The following WNK1 variants were observed in gnomAD, a reference collection of about 807,000 sequenced individuals.
WNK1 encodes the protein WNK lysine deficient protein kinase 1, also known as serine/threonine-protein kinase WNK1.
Under a neutral mutation model 222.8 loss-of-function variants are expected in WNK1, and 38 were observed. That is an observed-to-expected ratio of 0.17 (90% CI 0.13 to 0.22). The LOEUF is 0.22. Among genes scored for constraint, WNK1 ranks in the 10% least tolerant of loss-of-function variants. The pLI is 1.00. For synonymous variants in WNK1, 1,090 were observed against 1,092.9 expected (o/e 1.00, Z 0.05); for missense variants, 2,348 against 2,918.4 (o/e 0.80, Z 4.50).
Position 884,674 on chromosome 12 carries a change from T to C in WNK1, c.3870T>C (p.Pro1290=), listed in dbSNP as rs779204850. 5 of 1,614,102 alleles carry C rather than the reference T, an allele frequency of 3.1e-6. No individual in the cohort carries two copies. In the South Asian group the frequency reaches 5.5e-5, roughly 18 times the overall value. Residue 1290 remains proline (P), a synonymous_variant, in exon 19 of 28, where the codon CCT becomes CCC. Coordinates refer to ENST00000315939, the MANE Select transcript of WNK1 (RefSeq NM_018979.4). This position sits in a 1 kb window ranked among gnomAD's most constrained non-coding sequence, Gnocchi z 5.6. The part of the protein sequence containing the change: ...DTVAASTAQS[P]GMNLSHSASS... ...TTGCTGCCTCTACAGCTCAGAGCCC[T>C]GGAATGAACTTGTCTCACTCTGCAT...
intron 1 of WNK1, among the ~76,000 whole-genome samples, chr12:780,109 G>A (rs1481646035): frequency 6.6e-6 from 1 of 152,182 alleles, no homozygotes; most frequent in African/African-American, 2.4e-5. Flanking sequence ...GAAAGAGGAT[G>A]TAGAAATAAA....
intron 4 of WNK1, among the ~76,000 whole-genome samples, chr12:844,451 A>G (rs1439328913): frequency 6.6e-6 from 1 of 152,142 alleles, no homozygotes; most frequent in African/African-American, 2.4e-5. Context: ...GTTGCTTTTT[A>G]AAAAGGAAAA....
intron 1 of WNK1, among the ~76,000 whole-genome samples, chr12:775,887 G>A (rs1017177157): frequency 6.6e-6 from 1 of 152,174 alleles, no homozygotes; most frequent in African/African-American, 2.4e-5. Flanking sequence ...TGCCAAGCTT[G>A]TGTTCAACAA....
intron 1 of WNK1, among the ~76,000 whole-genome samples, chr12:805,126 C>T (rs919338542): frequency 6.6e-6 from 1 of 151,990 alleles, no homozygotes; most frequent in South Asian, 2.1e-4. Context: ...CTTTCAGTTT[C>T]TTGGGGCATA....
In WNK1 at chr12:861,199, A is replaced by G. The variant is rs1488189452; in HGVS notation, c.1807A>G (p.Ile603Val). ...ACAATCCAGTGCTTCCCAGACAGGA[A>G]TCAAGCAGCTCCCTTCTGCTAGCAC... The part of the protein sequence containing the change: ...VEQSSASQTG[I>V]KQLPSASTGI... Residue 603 changes from isoleucine (I) to valine (V), a missense_variant, in exon 7 of 28, where the codon ATC becomes GTC. This residue lies in a region of WNK1 where 103 missense variants were observed against 111.5 expected (regional missense o/e 0.92). Coordinates refer to ENST00000315939, the MANE Select transcript of WNK1 (RefSeq NM_018979.4). The G allele has an allele frequency of 6.2e-7, 1 of 1,614,062 alleles. No individual in the cohort carries two copies. Among genetic ancestry groups the G allele is most frequent in the Non-Finnish European group, 8.5e-7 (1 of 1,179,982 alleles).
chr12:880,728 C>A lies in WNK1; in HGVS notation c.2840C>A (p.Pro947Gln), dbSNP rs761206171. ...TCCTCATTTCTGTCACAGGGCTTCC[C>A]ACCTCGACTGCCACCACAGTACCCA... ...SSGDVLYQGF[P>Q]PRLPPQYPGD... Residue 947 changes from proline to glutamine, a missense_variant, in exon 12 of 28, where the codon CCA becomes CAA. Pro to Gln is a moderately conservative substitution (Grantham distance 76). Transcript: ENST00000315939. The A allele has an allele frequency of 5.6e-6, 9 of 1,613,730 alleles. No individual in the cohort carries two copies. The Admixed American group carries it at 1.5e-4, about 27-fold the overall frequency.
Position 753,991 on chromosome 12 carries a change from C to T in WNK1, c.426C>T (p.Ala142=), listed in dbSNP as rs759964919. 3.1e-6 allele frequency: 5 copies of T among 1,591,682 alleles called. No individual in the cohort carries two copies. In the South Asian group the frequency reaches 5.6e-5, roughly 18 times the overall value. The change falls in exon 1 of 28, where the codon GCC becomes GCT. Residue 142 remains alanine, a synonymous_variant. Transcript: ENST00000315939. The surrounding 1 kb of genome is among the most constrained non-coding windows in gnomAD (Gnocchi z 5.2). ...QVAQQPPAAA[A]PGEQAVAGPA... is the part of the protein sequence containing the mutation. ...CCCAGCAGCCTCCAGCCGCTGCCGC[C>T]CCTGGGGAACAGGCCGTCGCGGGCC...
Position 881,949 on chromosome 12 carries a change from A to G in WNK1, c.3248A>G (p.Asn1083Ser), listed in dbSNP as rs757299559. The change falls in exon 14 of 28, where the codon AAT becomes AGT. Residue 1083 changes from asparagine (N) to serine (S), a missense_variant. Physicochemically the swap from Asn to Ser is conservative, Grantham distance 46 (BLOSUM62 1). This residue lies in a region of WNK1 where 547 missense variants were observed against 558.3 expected (regional missense o/e 0.98). Coordinates refer to ENST00000315939, the MANE Select transcript of WNK1 (RefSeq NM_018979.4). ...GTTGCTTCAGGTATGAGTGATGGCA[A>G]TGAGAACGTCCCATCTTCCAGTGGA... ...SDVASGMSDGNENVPSSSGRH... is the reference protein window; with the variant it reads ...SDVASGMSDGSENVPSSSGRH... The G allele has an allele frequency of 8.1e-6, 13 of 1,614,236 alleles. No individual in the cohort carries two copies. The Admixed American group carries it at 1.5e-4, about 19-fold the overall frequency.
At chr12:881,021 T>A in intron 12 of WNK1, 22 bp downstream of exon 12, 1 of 1,613,968 alleles carries the variant, frequency 6.2e-7, no homozygotes, top group Non-Finnish European at 8.5e-7. Flanking sequence ...TACTGCATGT[T>A]TATATGTAAA....
At chr12:883,118 C>A in intron 15 of WNK1, 59 bp downstream of exon 15, 1 of 1,229,352 alleles carries the variant, frequency 8.1e-7, no homozygotes, top group Non-Finnish European at 1.2e-6. Context: ...ATAGCCATTG[C>A]TCTAGGCAAA....
intron 20 of WNK1, among the ~76,000 whole-genome samples, chr12:888,455 G>A (rs1253102824): frequency 1.3e-5 from 2 of 152,176 alleles, no homozygotes; most frequent in Non-Finnish European, 2.9e-5. Context: ...ATGTGGAGGG[G>A]TAAGGGTAAA....
At chr12:877,731 G>A (rs910778300) in intron 9 of WNK1, among the ~76,000 whole-genome samples, 16 of 152,068 alleles carry the variant, frequency 1.1e-4, no homozygotes, top group African/African-American at 3.9e-4. Flanking sequence ...TCCCTATTTT[G>A]TAGCTATAAT....
At position 763,247 on chromosome 12, in the gene WNK1, C is replaced by T. The variant is rs115752536; in HGVS notation, c.759+8923C>T. 2.9e-3 allele frequency among the ~76,000 whole-genome samples: 423 copies of T among 147,302 alleles called. 11 individuals are homozygous for T. Among genetic ancestry groups the T allele is most frequent in the African/African-American group, 9.3e-3 (381 of 41,154 alleles). ...GAACAAAGGGATGACATGTCCCATT[C>T]GAGATTTCATCACACTAGTCAGAAT... On this transcript the variant is annotated intron_variant, in intron 1 of 27. Transcript: ENST00000315939.
intron 4 of WNK1, among the ~76,000 whole-genome samples, chr12:848,797 G>A (rs1292261325): frequency 6.6e-6 from 1 of 151,934 alleles, no homozygotes; most frequent in Admixed American, 6.6e-5. Context: ...ATCTGTGAAT[G>A]GTACTTTTGT....
intron 1 of WNK1, among the ~76,000 whole-genome samples, chr12:778,551 A>C (rs1174495987): frequency 6.6e-6 from 1 of 151,820 alleles, no homozygotes; most frequent in Non-Finnish European, 1.5e-5. Context: ...GGCTGGCCTC[A>C]AACTCCTGAC....
chr12:792,810 T>C (rs1330114405), intron 1 of WNK1, among the ~76,000 whole-genome samples: 1 of 152,156 alleles, frequency 6.6e-6, no homozygotes, highest in East Asian at 1.9e-4. Context: ...TACACAAATA[T>C]GTACTCACAT....
At chr12:823,738 A>T (rs1008136746) in intron 2 of WNK1, among the ~76,000 whole-genome samples, 9 of 152,092 alleles carry the variant, frequency 5.9e-5, no homozygotes, top group Non-Finnish European at 1.3e-4. Flanking sequence ...CTATTTAACC[A>T]TGAGTTGATT....
chr12:836,398 GA>G (rs1330993790), intron 4 of WNK1, among the ~76,000 whole-genome samples: 4 of 152,178 alleles, frequency 2.6e-5, no homozygotes, highest in African/African-American at 4.8e-5. Context: ...AAAAAGTTGA[GA>G]AATATATTTG....
At chr12:865,089 G>A (rs943465641) in intron 8 of WNK1, 4 of 1,491,086 alleles carry the variant, frequency 2.7e-6, no homozygotes, top group Non-Finnish European at 3.6e-6. Context: ...TTTTTCATGT[G>A]TGTGTTTGTT....
Sources: gnomAD v4.1 joint callset for allele counts (sites outside exome capture counted in the v4.1 genomes callset) on GRCh38, gnomAD v4.1.1 for gene constraint, gnomAD v4.1.1 regional missense constraint, Gnocchi (gnomAD v3.1) non-coding constraint, MANE v1.5 for transcripts, NCBI Gene and HGNC (gene_info 2026-07-23, HGNC 2026-07-21) for gene names.